Variants in VTCN1 observed in about 807,000 individuals in gnomAD.
VTCN1 encodes the protein V-set domain containing T cell activation inhibitor 1.
Under a neutral mutation model 26.5 loss-of-function variants are expected in VTCN1, and 26 were observed. That is an observed-to-expected ratio of 0.98 (90% confidence interval 0.72 to 1.36). The LOEUF is 1.36. VTCN1 is among the 40% of genes most tolerant of loss of function. The probability of loss-of-function intolerance (pLI) is 0.00; values close to 1 mark genes in which losing one functional copy is unlikely to be tolerated. For synonymous variants in VTCN1, 116 were observed against 130.7 expected, an observed-to-expected ratio of 0.89 and a Z score of 0.77; for missense variants, 298 against 337.7, an observed-to-expected ratio of 0.88 and a Z score of 0.92.
intron 1 of VTCN1, among the ~76,000 whole-genome samples, chr1:117,190,539 T>C (rs1648193375): frequency 6.6e-6 from 1 of 152,122 alleles, no homozygotes; most frequent in Non-Finnish European, 1.5e-5. Context: ...AAGCCCACTG[T>C]CCACAGACCC....
intron 1 of VTCN1, among the ~76,000 whole-genome samples, chr1:117,197,330 C>G (rs1332906610): frequency 6.6e-6 from 1 of 152,100 alleles, no homozygotes; most frequent in Non-Finnish European, 1.5e-5. Flanking sequence ...CTTCTCATTG[C>G]TCTCAGAGAA....
At chr1:117,189,328 C>T (rs951100186) in intron 1 of VTCN1, among the ~76,000 whole-genome samples, 4 of 152,188 alleles carry the variant, frequency 2.6e-5, no homozygotes, top group African/African-American at 9.7e-5. Flanking sequence ...GTTTTCTCTG[C>T]ATGATTTACT....
chr1:117,184,708 A>G (rs551462743), intron 1 of VTCN1, among the ~76,000 whole-genome samples: 1 of 152,172 alleles, frequency 6.6e-6, no homozygotes, highest in African/African-American at 2.4e-5. Context: ...TTGGGAGGAT[A>G]GTGCCTGGCA....
chr1:117,185,828 C>T (rs887404779), intron 1 of VTCN1, among the ~76,000 whole-genome samples: 2 of 152,142 alleles, frequency 1.3e-5, no homozygotes, highest in African/African-American at 4.8e-5. Context: ...TTGAAGCCCC[C>T]CAACCCCCAC....
At chr1:117,174,809 A>G (rs781077654) in intron 1 of VTCN1, among the ~76,000 whole-genome samples, 29 of 152,184 alleles carry the variant, frequency 1.9e-4, no homozygotes, top group Non-Finnish European at 1.5e-5. Flanking sequence ...AGTGAAGAAA[A>G]AGGCTTTATT....
At chr1:117,206,084 G>C (rs370983368) in intron 1 of VTCN1, among the ~76,000 whole-genome samples, 4 of 152,032 alleles carry the variant, frequency 2.6e-5, no homozygotes, top group South Asian at 4.2e-4. Flanking sequence ...GCATCCTCAG[G>C]TTTAGAGAAG....
At position 117,167,090 on chromosome 1, in the gene VTCN1, C is replaced by CA. The variant is rs61603048; in HGVS notation, c.97+3016dup. On this transcript the variant is annotated intron_variant, in intron 2 of 5. Transcript: ENST00000369458. The surrounding 1 kb of genome is among the most constrained non-coding windows in gnomAD (Gnocchi z 4.1). ...CCTGAGCGACAGAGCAAGACTGTCT[C>CA]AAAAAAAAAAAAAAGAATATATATG... 0.31 allele frequency among the ~76,000 whole-genome samples: 33,069 copies of CA among 107,242 alleles called. 7,911 individuals are homozygous for CA. Among genetic ancestry groups the CA allele is most frequent in the African/African-American group, 0.67 (23,641 of 35,432 alleles). 70.4% of individuals were successfully genotyped at this position (107,242 alleles called of 152,430 possible). A position where few individuals can be genotyped will look rare whatever the true frequency, so the allele number is the denominator to read the frequency against.
intron 3 of VTCN1, among the ~76,000 whole-genome samples, chr1:117,154,938 C>T (rs1409563779): frequency 6.6e-6 from 1 of 152,176 alleles, no homozygotes; most frequent in Non-Finnish European, 1.5e-5. Flanking sequence ...CCTTCCAGAA[C>T]ACCACCATGC....
chr1:117,165,026 GAA>G (rs1394196032), intron 2 of VTCN1, among the ~76,000 whole-genome samples: 1 of 152,254 alleles, frequency 6.6e-6, no homozygotes, highest in Non-Finnish European at 1.5e-5. Flanking sequence ...CTGTATTGGG[GAA>G]AAGTTTTATG....
intron 1 of VTCN1, among the ~76,000 whole-genome samples, chr1:117,176,408 G>A (rs545864206): frequency 7.1e-4 from 108 of 151,742 alleles, no homozygotes; most frequent in Middle Eastern, 3.4e-3. Context: ...TCACCTCCTC[G>A]AGCACCTTTT....
chr1:117,177,030 C>T (rs1176570194), intron 1 of VTCN1, among the ~76,000 whole-genome samples: 4 of 151,966 alleles, frequency 2.6e-5, no homozygotes, highest in African/African-American at 4.8e-5. Context: ...ACCCAGGAGG[C>T]GAAGGCTGCT....
chr1:117,199,376 A>T (rs1369989839), intron 1 of VTCN1, among the ~76,000 whole-genome samples: 1 of 151,966 alleles, frequency 6.6e-6, no homozygotes, highest in East Asian at 1.9e-4. Context: ...CCCAGGTTGG[A>T]GTGCAATGGC....
chr1:117,155,188 A>G lies in VTCN1; in HGVS notation c.445+1386T>C, dbSNP rs1208712441. On this transcript the variant is annotated intron_variant, in intron 3 of 5. Transcript: ENST00000369458. This position sits in a 1 kb window ranked among gnomAD's most constrained non-coding sequence, Gnocchi z 4.8. The stretch of plus-strand genomic sequence containing the variant: ...ATTAGACTGAGGTTACAGGTTTTAG[A>G]GAGGAAGAGCACAGGAGGTAAAGTG... Among the ~76,000 whole-genome samples, 2 of 152,192 alleles carry G rather than the reference A, an allele frequency of 1.3e-5. No individual in the cohort carries two copies. Among genetic ancestry groups the G allele is most frequent in the African/African-American group, 4.8e-5 (2 of 41,452 alleles).
intron 4 of VTCN1, among the ~76,000 whole-genome samples, chr1:117,150,583 C>T (rs911492386): frequency 6.6e-6 from 1 of 151,756 alleles, no homozygotes; most frequent in Non-Finnish European, 1.5e-5. Flanking sequence ...AGCTCTCGCT[C>T]TCATATGTAA....
At chr1:117,208,168 C>T (rs1368173933) in intron 1 of VTCN1, among the ~76,000 whole-genome samples, 1 of 152,210 alleles carries the variant, frequency 6.6e-6, no homozygotes, top group South Asian at 2.1e-4. Context: ...AGCCTCATCT[C>T]CCAGCATTTC....
rs1163067004 is a variant in VTCN1 at position 117,159,474 on chromosome 1, AC to A, written c.98-2554del. Among the ~76,000 whole-genome samples, 1 of 152,254 alleles carries A rather than the reference AC, an allele frequency of 6.6e-6. No homozygotes were observed. The highest frequency in any genetic ancestry group is 2.1e-4 in the South Asian group (1 of 4,836). On this transcript the variant is annotated intron_variant, in intron 2 of 5. Coordinates refer to ENST00000369458, the MANE Select transcript of VTCN1 (RefSeq NM_024626.4). This position sits in a 1 kb window ranked among gnomAD's most constrained non-coding sequence, Gnocchi z 4.7. ...ACCCCCATGATTCAAATGATCTCCC[AC>A]CAGGTCCCTCCCACAACACATGGGA...
At chr1:117,172,565 C>T (rs2101528092) in intron 1 of VTCN1, 4 of 467,350 alleles carry the variant, frequency 8.6e-6, no homozygotes, top group South Asian at 3.1e-5. Context: ...AATACTTCAT[C>T]GCTCTGAGGC....
Position 117,146,882 on chromosome 1 carries a change from C to T in VTCN1, c.*45+731G>A, listed in dbSNP as rs927891191. ...AGGAGCAGGTACAGTGTTTCAAAACCAGTCGGGGTGTGAGATGATGAAGGC... is the reference window on the plus strand; with the variant it reads ...AGGAGCAGGTACAGTGTTTCAAAACTAGTCGGGGTGTGAGATGATGAAGGC... On this transcript the variant is annotated intron_variant, in intron 5 of 5. Transcript: ENST00000369458. This position sits in a 1 kb window ranked among gnomAD's most constrained non-coding sequence, Gnocchi z 4.2. 6.6e-6 allele frequency among the ~76,000 whole-genome samples: 1 copy of T among 152,068 alleles called. No homozygotes were observed. Among genetic ancestry groups the T allele is most frequent in the African/African-American group, 2.4e-5 (1 of 41,408 alleles).
At chr1:117,177,985 C>A (rs1230020107) in intron 1 of VTCN1, among the ~76,000 whole-genome samples, 13 of 146,934 alleles carry the variant, frequency 8.8e-5, no homozygotes, top group African/African-American at 3.0e-4. Flanking sequence ...GTTGCCCATG[C>A]TGGAGTGCAG....
Sources: gnomAD v4.1 joint callset for allele counts (sites outside exome capture counted in the v4.1 genomes callset) on GRCh38, gnomAD v4.1.1 for gene constraint, Gnocchi (gnomAD v3.1) non-coding constraint, MANE v1.5 for transcripts, NCBI Gene and HGNC (gene_info 2026-07-23, HGNC 2026-07-21) for gene names.